B3GALT1: variants seen among roughly 807,000 people sequenced by gnomAD.
The protein encoded by B3GALT1 is beta-1,3-galactosyltransferase 1.
B3GALT1 carries 10 observed loss-of-function variants against 23.2 expected under a neutral mutation model. That is an observed-to-expected ratio of 0.43 (90% confidence interval 0.27 to 0.73). B3GALT1 has a LOEUF of 0.73. Among genes scored for constraint, B3GALT1 ranks in the 30% least tolerant of loss-of-function variants. B3GALT1 has a pLI of 0.21. For synonymous variants in B3GALT1, 156 were observed against 141.5 expected, an observed-to-expected ratio of 1.10 and a Z score of -0.73; for missense variants, 299 against 405.4, an observed-to-expected ratio of 0.74 and a Z score of 2.25.
intron 2 of B3GALT1, among the ~76,000 whole-genome samples, chr2:167,616,843 A>G (rs1685170398): frequency 6.6e-6 from 1 of 152,142 alleles, no homozygotes; most frequent in Non-Finnish European, 1.5e-5. Context: ...AAAATCAGAA[A>G]AAATTACAGC....
At chr2:167,408,490 T>G (rs914098089) in intron 1 of B3GALT1, among the ~76,000 whole-genome samples, 12 of 152,208 alleles carry the variant, frequency 7.9e-5, no homozygotes, top group Non-Finnish European at 1.5e-4. Context: ...CTATTTTTAT[T>G]GAACATACTA....
rs141736628 is a variant in B3GALT1, at chr2:167,612,871, T to C, written c.-409-34038T>C. Among the ~76,000 whole-genome samples the C allele has an allele frequency of 2.6e-5, 4 of 152,126 alleles. No individual in the cohort carries two copies. The East Asian group carries it at 7.7e-4, about 29-fold the overall frequency. Reference sequence around the variant, plus strand: ...CAGCTTCTATTTTGGTTCATCTTATTGAGAAAGCAAGATTGAAATAATTGT... The same window carrying C: ...CAGCTTCTATTTTGGTTCATCTTATCGAGAAAGCAAGATTGAAATAATTGT... On this transcript the variant is annotated intron_variant, in intron 2 of 4. Transcript: ENST00000392690.
intron 1 of B3GALT1, among the ~76,000 whole-genome samples, chr2:167,343,942 A>G (rs1327222648): frequency 2.0e-5 from 3 of 152,192 alleles, no homozygotes; most frequent in Non-Finnish European, 4.4e-5. Context: ...TTGTACTCAC[A>G]TAGCATTGGC....
chr2:167,463,034 C>G (rs1699287804), intron 1 of B3GALT1, among the ~76,000 whole-genome samples: 1 of 152,122 alleles, frequency 6.6e-6, no homozygotes, highest in East Asian at 1.9e-4. Context: ...TCTACTTCAG[C>G]TTCTGGAAAA....
chr2:167,362,598 G>T (rs1193666599), intron 1 of B3GALT1, among the ~76,000 whole-genome samples: 1 of 151,412 alleles, frequency 6.6e-6, no homozygotes, highest in Admixed American at 6.6e-5. Flanking sequence ...CCATGTCCCC[G>T]TTGTCTCTTG....
At chr2:167,810,272 A>C (rs55826112) in intron 3 of B3GALT1, among the ~76,000 whole-genome samples, 2 of 150,770 alleles carry the variant, frequency 1.3e-5, no homozygotes, top group African/African-American at 2.5e-5. Flanking sequence ...CACTCAGTGC[A>C]CTGCACCCAC....
chr2:167,775,669 T>C lies in B3GALT1; in HGVS notation c.-351-43003T>C, dbSNP rs955231230. ...CTATGAAAAGTATAACTCCAATTTA[T>C]TTTTGAAAGTATACACACACACACA... is the stretch of plus-strand genomic sequence containing the variant. On this transcript the variant is annotated intron_variant, in intron 3 of 4. Transcript: ENST00000392690. 4.9e-5 allele frequency among the ~76,000 whole-genome samples: 7 copies of C among 142,830 alleles called. No individual in the cohort carries two copies. In the Admixed American group the frequency reaches 5.0e-4, roughly 10 times the overall value. The allele number at this position is 142,830 out of a possible 152,430, so 93.7% of individuals were successfully genotyped here.
intron 3 of B3GALT1, among the ~76,000 whole-genome samples, chr2:167,653,900 T>G (rs915593683): frequency 1.1e-4 from 17 of 152,164 alleles, no homozygotes; most frequent in African/African-American, 3.9e-4. Context: ...CATTCTTCAG[T>G]CTTATGAGTT....
In B3GALT1 at chr2:167,866,961, T is replaced by C. The variant is rs189833243; in HGVS notation, c.-229-1850T>C. ...TTTTTTTTTGAGACGGAGTCTCACT[T>C]TGTCGCCCAGGCTGGAGTGCAGTGG... is the stretch of plus-strand genomic sequence containing the variant. On this transcript the variant is annotated intron_variant, in intron 4 of 4. Transcript: ENST00000392690. Among the ~76,000 whole-genome samples the C allele has an allele frequency of 7.3e-3, 1,106 of 152,080 alleles. 10 individuals carry two copies. The highest frequency in any genetic ancestry group is 0.017 in the Admixed American group (253 of 15,280).
chr2:167,458,792 A>G (rs1249844849), intron 1 of B3GALT1, among the ~76,000 whole-genome samples: 1 of 152,122 alleles, frequency 6.6e-6, no homozygotes, highest in African/African-American at 2.4e-5. Flanking sequence ...GCCTATTTTT[A>G]AACCAGATTT....
intron 1 of B3GALT1, among the ~76,000 whole-genome samples, chr2:167,336,715 T>G (rs908656625): frequency 6.6e-6 from 1 of 152,178 alleles, no homozygotes; most frequent in Admixed American, 6.5e-5. Flanking sequence ...AACCGGAAGA[T>G]GCAGTAGATG....
rs1690316646 is a variant in B3GALT1, at chr2:167,870,256, T to A, written c.*236T>A. On this transcript the variant is annotated 3_prime_UTR_variant, in exon 5 of 5. Transcript: ENST00000392690. ...ATTCTCAGTCCCAGAGCATTGCTAT[T>A]TATCTCAAAAAGTGACTTCCAAACA... 6 of 400,350 alleles carry A rather than the reference T, an allele frequency of 1.5e-5. No homozygotes were observed. In the Admixed American group the frequency reaches 2.4e-4, roughly 16 times the overall value. The allele number at this position is 400,350 out of a possible 1,614,324, so 24.8% of individuals were successfully genotyped here. A position where few individuals can be genotyped will look rare whatever the true frequency, so the allele number is the denominator to read the frequency against.
intron 3 of B3GALT1, among the ~76,000 whole-genome samples, chr2:167,743,955 A>G (rs1298644853): frequency 6.6e-6 from 1 of 152,132 alleles, no homozygotes; most frequent in African/African-American, 2.4e-5. Flanking sequence ...TATTATTTCA[A>G]TATAACATTA....
At chr2:167,532,854 C>CTTTTTT (rs1173819982) in intron 2 of B3GALT1, among the ~76,000 whole-genome samples, 1 of 96,452 alleles carries the variant, frequency 1.0e-5, no homozygotes, top group Non-Finnish European at 2.0e-5. Context: ...TTTACTGCAT[C>CTTTTTT]TTTTTTTTTT....
chr2:167,476,499 T>A (rs1056844208), intron 1 of B3GALT1, among the ~76,000 whole-genome samples: 21 of 152,178 alleles, frequency 1.4e-4, no homozygotes, highest in African/African-American at 5.1e-4. Context: ...AGATATAAAT[T>A]ATGATCCTTC....
At chr2:167,661,201 C>T (rs945783535) in intron 3 of B3GALT1, among the ~76,000 whole-genome samples, 1 of 152,102 alleles carries the variant, frequency 6.6e-6, no homozygotes, top group African/African-American at 2.4e-5. Flanking sequence ...TTGTCACCCT[C>T]TTATCCCTCA....
At chr2:167,497,678 C>T (rs1291471557) in intron 2 of B3GALT1, among the ~76,000 whole-genome samples, 1 of 151,924 alleles carries the variant, frequency 6.6e-6, no homozygotes, top group Admixed American at 6.6e-5. Flanking sequence ...GTCCTTGAAA[C>T]TATATGAAGA....
chr2:167,827,817 C>T (rs1179338730), intron 4 of B3GALT1, among the ~76,000 whole-genome samples: 1 of 152,148 alleles, frequency 6.6e-6, no homozygotes, highest in Non-Finnish European at 1.5e-5. Context: ...TTGGCCACAT[C>T]CCAGTGTGCT....
At position 167,770,859 on chromosome 2, in the gene B3GALT1, A is replaced by C. The variant is rs1688060760; in HGVS notation, c.-351-47813A>C. On this transcript the variant is annotated intron_variant, in intron 3 of 4. Coordinates refer to ENST00000392690, the MANE Select transcript of B3GALT1 (RefSeq NM_020981.4). The stretch of plus-strand genomic sequence containing the variant: ...CAGGGAAATTTTTAAATGCCCAATT[A>C]GATTTTTATTTCAGTGAAGGCAAAG... Among the ~76,000 whole-genome samples, 9 of 152,214 alleles carry C rather than the reference A, an allele frequency of 5.9e-5. No individual in the cohort carries two copies. In the South Asian group the frequency reaches 1.7e-3, roughly 28 times the overall value.
Sources: gnomAD v4.1 joint callset for allele counts (sites outside exome capture counted in the v4.1 genomes callset) on GRCh38, gnomAD v4.1.1 for gene constraint, MANE v1.5 for transcripts, NCBI Gene and HGNC (gene_info 2026-07-23, HGNC 2026-07-21) for gene names.